The following BLTP1 variants were observed in gnomAD, a reference collection of about 807,000 sequenced individuals.
BLTP1 encodes bridge-like lipid transfer protein family member 1.
the BLTP1 span, chr4:122,349,190 G>A: frequency 3.7e-6 from 6 of 1,611,288 alleles, no homozygotes; most frequent in East Asian, 2.2e-5. The surrounding 1 kb of genome is among the most constrained non-coding windows in gnomAD (Gnocchi z 4.5). Flanking sequence ...AGCCAGGGCC[G>A]TCTGTCAGTA....
the BLTP1 span, among the ~76,000 whole-genome samples, chr4:122,283,240 A>G: frequency 0.03 from 4,322 of 142,754 alleles, 142 homozygotes; most frequent in African/African-American, 0.1. Context: ...TTGGCATGGG[A>G]TAGTATATAA....
the BLTP1 span, among the ~76,000 whole-genome samples, chr4:122,285,913 G>T: frequency 6.6e-6 from 1 of 152,142 alleles, no homozygotes; most frequent in African/African-American, 2.4e-5. Context: ...ATTTATATTT[G>T]TTTGAATAAT....
chr4:122,316,027 G>A, the BLTP1 span, among the ~76,000 whole-genome samples: 6 of 152,244 alleles, frequency 3.9e-5, no homozygotes. Context: ...TTTAATGATG[G>A]TTGTACAACT....
At chr4:122,279,415 T>A in the BLTP1 span, among the ~76,000 whole-genome samples, 1 of 152,236 alleles carries the variant, frequency 6.6e-6, no homozygotes, top group Non-Finnish European at 1.5e-5. Context: ...AAAGGCTTTT[T>A]ATAAAGCATC....
the BLTP1 span, chr4:122,331,206 G>T: frequency 1.4e-6 from 2 of 1,428,152 alleles, no homozygotes; most frequent in East Asian, 5.0e-5. Flanking sequence ...TCACTCATGT[G>T]AATTTACAAA....
chr4:122,304,366 C>G, the BLTP1 span, among the ~76,000 whole-genome samples: 32 of 152,086 alleles, frequency 2.1e-4, no homozygotes, highest in African/African-American at 6.8e-4. Flanking sequence ...CACACACCAC[C>G]ATGCCCATCT....
chr4:122,261,445 T>G, the BLTP1 span: 2 of 985,100 alleles, frequency 2.0e-6, no homozygotes, highest in Non-Finnish European at 2.4e-6. Flanking sequence ...CTTTTTTGCC[T>G]GTGTAGTCTT....
chr4:122,334,474 C>T, the BLTP1 span: 1 of 1,612,880 alleles, frequency 6.2e-7, no homozygotes, highest in Non-Finnish European at 8.5e-7. Context: ...CCTCCTTCTC[C>T]TCCTTTACCT....
chr4:122,306,161 C>G, the BLTP1 span: 1 of 1,029,824 alleles, frequency 9.7e-7, no homozygotes, highest in South Asian at 1.9e-5. Context: ...GTTCCTAAAT[C>G]TGAAATGTGT....
chr4:122,278,554 A>G, the BLTP1 span, among the ~76,000 whole-genome samples: 1 of 152,208 alleles, frequency 6.6e-6, no homozygotes, highest in Non-Finnish European at 1.5e-5. Flanking sequence ...TCACTCTCTT[A>G]ATAAGCAGAT....
the BLTP1 span, chr4:122,286,351 C>T: frequency 1.9e-5 from 14 of 731,244 alleles, no homozygotes; most frequent in Non-Finnish European, 8.4e-6. Context: ...CTTAATAATA[C>T]TTGCTGATTG....
the BLTP1 span, chr4:122,210,071 A>C: frequency 1.1e-5 from 15 of 1,325,332 alleles, no homozygotes; most frequent in South Asian, 2.5e-4. Context: ...AATTGTAGCT[A>C]CCTTTTGAGC....
chr4:122,169,924 T>C, the BLTP1 span: 1 of 984,718 alleles, frequency 1.0e-6, no homozygotes, highest in Non-Finnish European at 1.2e-6. Context: ...CTTAATATGA[T>C]AATATTAAGT....
chr4:122,257,466 C>T, the BLTP1 span: 1 of 1,614,052 alleles, frequency 6.2e-7, no homozygotes, highest in South Asian at 1.1e-5. Flanking sequence ...GATACCAGTG[C>T]TGATGGAGCA....
the BLTP1 span, chr4:122,247,940 T>C: frequency 1.0e-6 from 1 of 984,344 alleles, no homozygotes; most frequent in Non-Finnish European, 1.2e-6. Flanking sequence ...TCAGAAAAAG[T>C]TAGATTTGCT....
At chr4:122,227,399 A>G in the BLTP1 span, 1 of 985,216 alleles carries the variant, frequency 1.0e-6, no homozygotes, top group African/African-American at 1.7e-5. Context: ...ATGAAATGCC[A>G]TAGTATTATT....
At chr4:122,355,790 A>C in the BLTP1 span, 5 of 1,590,510 alleles carry the variant, frequency 3.1e-6, no homozygotes, top group Admixed American at 3.4e-5. Context: ...ATCATTATGC[A>C]TGTAGAGCTA....
At chr4:122,174,676 A>C in the BLTP1 span, 1 of 1,474,618 alleles carries the variant, frequency 6.8e-7, no homozygotes, top group African/African-American at 1.4e-5. Flanking sequence ...AAAATTGAAA[A>C]GGACCCATGT....
chr4:122,232,140 G>A, the BLTP1 span: 1 of 984,412 alleles, frequency 1.0e-6, no homozygotes. Flanking sequence ...GCTGTAGCTT[G>A]TGAAAAATTG....
Sources: allele counts gnomAD v4.1 joint callset (sites outside exome capture counted in the v4.1 genomes callset), GRCh38; gene constraint gnomAD v4.1.1; non-coding constraint Gnocchi (gnomAD v3.1); transcripts MANE v1.5; gene names NCBI Gene and HGNC (gene_info 2026-07-23, HGNC 2026-07-21).